The following NRG3 variants were observed in gnomAD, a reference collection of about 807,000 sequenced individuals.
NRG3 encodes the protein pro-neuregulin-3, membrane-bound isoform.
Under a neutral mutation model 66.9 loss-of-function variants are expected in NRG3, and 31 were observed. The ratio of observed to expected loss-of-function variants is 0.46; its 90% CI spans 0.35 to 0.63. NRG3 has a LOEUF of 0.63. Among genes scored for constraint, NRG3 ranks in the 20% least tolerant of loss-of-function variants. The pLI, the probability that NRG3 is intolerant of heterozygous loss-of-function variation, is 0.00. For missense variants in NRG3, 910 were observed against 878.9 expected (o/e 1.04, Z -0.45); for synonymous variants, 393 against 359.4 (o/e 1.09, Z -1.06).
chr10:81,922,101 C>T (rs1016806851), intron 1 of NRG3, among the ~76,000 whole-genome samples: 1 of 152,056 alleles, frequency 6.6e-6, no homozygotes, highest in Non-Finnish European at 1.5e-5. Context: ...GCTATTTAGA[C>T]ATTTTAAATT....
intron 1 of NRG3, among the ~76,000 whole-genome samples, chr10:82,045,858 G>T (rs1322131486): frequency 6.9e-6 from 1 of 145,320 alleles, no homozygotes; most frequent in African/African-American, 2.6e-5. Context: ...TGTCAGGTTT[G>T]TCAAAGATCA....
intron 1 of NRG3, among the ~76,000 whole-genome samples, chr10:81,955,507 A>G (rs1282928838): frequency 6.6e-6 from 1 of 152,140 alleles, no homozygotes; most frequent in Non-Finnish European, 1.5e-5. Context: ...GCTAAGGGTG[A>G]TTATGAGAAT....
At chr10:82,456,760 T>G (rs1448761067) in intron 2 of NRG3, among the ~76,000 whole-genome samples, 2 of 152,100 alleles carry the variant, frequency 1.3e-5, no homozygotes, top group Non-Finnish European at 2.9e-5. Context: ...CCTAGAAATA[T>G]AGAGCTGCCA....
chr10:82,865,575 C>A (rs935132854), intron 4 of NRG3, 138 bp downstream of exon 4: 2 of 755,040 alleles, frequency 2.6e-6, no homozygotes. Context: ...ATACTCTTGT[C>A]GAGTTTTCAC....
chr10:82,972,922 C>T (rs1346960102), intron 6 of NRG3, among the ~76,000 whole-genome samples: 2 of 152,122 alleles, frequency 1.3e-5, no homozygotes, highest in African/African-American at 2.4e-5. Context: ...CAGGTTAACA[C>T]TTAAAATCTG....
intron 2 of NRG3, among the ~76,000 whole-genome samples, chr10:82,609,019 G>T (rs1171091785): frequency 6.6e-6 from 1 of 152,100 alleles, no homozygotes; most frequent in Non-Finnish European, 1.5e-5. Flanking sequence ...AATTTAAAAA[G>T]AAGAAAAGTA....
chr10:82,902,772 G>A (rs1335750512), intron 4 of NRG3, among the ~76,000 whole-genome samples: 1 of 152,038 alleles, frequency 6.6e-6, no homozygotes, highest in Non-Finnish European at 1.5e-5. Flanking sequence ...GGTTTGAACT[G>A]TCTCGGTCCA....
Position 81,882,664 on chromosome 10 carries a change from A to G in NRG3, c.823+6501A>G, listed in dbSNP as rs146837186. Reference sequence around the variant, plus strand: ...ATGTCAAGTGAAATGGGAAGTAGATAGACTGGTTATTTTCATCCAAGAGCA... The same window carrying G: ...ATGTCAAGTGAAATGGGAAGTAGATGGACTGGTTATTTTCATCCAAGAGCA... On this transcript the variant is annotated intron_variant, in intron 1 of 8. Transcript: ENST00000372141. 2.7e-3 allele frequency among the ~76,000 whole-genome samples: 407 copies of G among 152,318 alleles called. 4 individuals carry two copies. Among genetic ancestry groups the G allele is most frequent in the African/African-American group, 9.2e-3 (383 of 41,576 alleles).
At chr10:82,930,817 AC>A (rs1249448831) in intron 4 of NRG3, among the ~76,000 whole-genome samples, 1 of 151,998 alleles carries the variant, frequency 6.6e-6, no homozygotes, top group Non-Finnish European at 1.5e-5. Flanking sequence ...CATACTGGGA[AC>A]CCCATCTATG....
At chr10:82,534,561 G>A (rs908562388) in intron 2 of NRG3, among the ~76,000 whole-genome samples, 4 of 151,882 alleles carry the variant, frequency 2.6e-5, no homozygotes, top group Admixed American at 1.3e-4. Flanking sequence ...CACTGGGCCC[G>A]GCCAGAAAAA....
chr10:82,176,960 C>T (rs1407861847), intron 1 of NRG3, among the ~76,000 whole-genome samples: 3 of 151,226 alleles, frequency 2.0e-5, no homozygotes, highest in African/African-American at 4.8e-5. Flanking sequence ...TCAGTTCCAC[C>T]CCTAGCTCCA....
At chr10:82,625,358 A>T (rs971476129) in intron 2 of NRG3, among the ~76,000 whole-genome samples, 2 of 152,048 alleles carry the variant, frequency 1.3e-5, no homozygotes, top group African/African-American at 4.8e-5. Context: ...TAATGCTTCT[A>T]TTATCCAGAA....
intron 2 of NRG3, among the ~76,000 whole-genome samples, chr10:82,513,142 T>A (rs1402151455): frequency 6.6e-6 from 1 of 152,172 alleles, no homozygotes; most frequent in Non-Finnish European, 1.5e-5. Flanking sequence ...GTGTGTGTTG[T>A]TCCCCTCCCT....
intron 1 of NRG3, among the ~76,000 whole-genome samples, chr10:82,314,443 G>A (rs2081189371): frequency 6.6e-6 from 1 of 151,718 alleles, no homozygotes; most frequent in Admixed American, 6.6e-5. Context: ...TTTTATAGTG[G>A]GAAATTAATT....
At chr10:82,596,348 C>T (rs1590812502) in intron 2 of NRG3, among the ~76,000 whole-genome samples, 1 of 152,178 alleles carries the variant, frequency 6.6e-6, no homozygotes, top group Admixed American at 6.5e-5. Context: ...ATTGGCAATT[C>T]GTTGCAGATA....
intron 1 of NRG3, among the ~76,000 whole-genome samples, chr10:82,325,536 T>A (rs537535010): frequency 3.9e-5 from 6 of 152,338 alleles, no homozygotes; most frequent in African/African-American, 1.4e-4. Context: ...GCTTTTAGCC[T>A]GTTTATATAT....
At chr10:82,203,252 A>C (rs1454423084) in intron 1 of NRG3, among the ~76,000 whole-genome samples, 1 of 152,092 alleles carries the variant, frequency 6.6e-6, no homozygotes, top group African/African-American at 2.4e-5. Context: ...CTTGAGTTGG[A>C]TTCTAATAAA....
chr10:82,735,676 A>G (rs1229661970), intron 2 of NRG3, among the ~76,000 whole-genome samples: 1 of 152,052 alleles, frequency 6.6e-6, no homozygotes, highest in East Asian at 1.9e-4. Context: ...CAAACACCAC[A>G]TTATCACTCA....
intron 2 of NRG3, among the ~76,000 whole-genome samples, chr10:82,656,812 T>A (rs1296807130): frequency 6.6e-6 from 1 of 152,122 alleles, no homozygotes; most frequent in Non-Finnish European, 1.5e-5. Flanking sequence ...TATATCTATT[T>A]TATAACAACC....
Sources: allele counts gnomAD v4.1 joint callset (sites outside exome capture counted in the v4.1 genomes callset), GRCh38; gene constraint gnomAD v4.1.1; transcripts MANE v1.5; gene names NCBI Gene and HGNC (gene_info 2026-07-23, HGNC 2026-07-21).